Variants in PRKCE observed in about 807,000 individuals in gnomAD.
The protein encoded by PRKCE is protein kinase C epsilon type.
A neutral mutation model predicts 85.4 loss-of-function variants in PRKCE; 16 were observed. The observed-to-expected ratio is 0.19, with a 90% confidence interval of 0.13 to 0.28. The LOEUF (loss-of-function observed/expected upper bound fraction) is 0.28. Among genes scored for constraint, PRKCE ranks in the 10% least tolerant of loss-of-function variants. PRKCE has a pLI of 1.00. For missense variants in PRKCE, 573 were observed against 975.2 expected (o/e 0.59, Z 5.49); for synonymous variants, 388 against 371.5 (o/e 1.04, Z -0.51).
rs558207194 is a variant in PRKCE, at chr2:46,013,265, C to T, written c.1437+2748C>T. 2.0e-5 allele frequency among the ~76,000 whole-genome samples: 3 copies of T among 152,272 alleles called. No homozygotes were observed. In the South Asian group the frequency reaches 6.2e-4, roughly 32 times the overall value. On this transcript the variant is annotated intron_variant, in intron 10 of 14. Transcript: ENST00000306156. ...GTTTTAAAGAGTAGCTATTATTCAC[C>T]TGACTCTGAGGTAGATGCTGGGGTT...
chr2:46,093,967 TG>T (rs1274083453), intron 11 of PRKCE, among the ~76,000 whole-genome samples: 3 of 151,882 alleles, frequency 2.0e-5, no homozygotes, highest in African/African-American at 7.3e-5. Flanking sequence ...GCATTTTTTT[TG>T]TTTATTTTCC....
intron 1 of PRKCE, among the ~76,000 whole-genome samples, chr2:45,769,421 C>T (rs1685146776): frequency 6.6e-6 from 1 of 151,886 alleles, no homozygotes; most frequent in African/African-American, 2.4e-5. Flanking sequence ...ATATCTGCAT[C>T]TGTGTGTGTG....
In PRKCE at chr2:45,895,145, C is replaced by CTTGAGAA. The variant is rs1696038573; in HGVS notation, c.412+52082_412+52083insTTGAGAA. Among the ~76,000 whole-genome samples the CTTGAGAA allele has an allele frequency of 6.6e-6, 1 of 152,124 alleles. No homozygotes were observed. The highest frequency in any genetic ancestry group is 1.5e-5 in the Non-Finnish European group (1 of 68,018). ...GTGGTAGGGAGAATGAAAAGGCGCCCAGGTGTCTCTTGAGAAAGGAAGGAA... is the reference window on the plus strand; with the variant it reads ...GTGGTAGGGAGAATGAAAAGGCGCCCTTGAGAAAGGTGTCTCTTGAGAAAGGAAGGAA... On this transcript the variant is annotated intron_variant, in intron 2 of 14. Coordinates refer to ENST00000306156, the MANE Select transcript of PRKCE (RefSeq NM_005400.3). This position sits in a 1 kb window ranked among gnomAD's most constrained non-coding sequence, Gnocchi z 4.8.
intron 2 of PRKCE, among the ~76,000 whole-genome samples, chr2:45,872,109 T>C (rs1305752618): frequency 6.6e-6 from 1 of 152,064 alleles, no homozygotes; most frequent in Non-Finnish European, 1.5e-5. Flanking sequence ...TAGTTGTTAA[T>C]AATTTATAAC....
intron 1 of PRKCE, among the ~76,000 whole-genome samples, chr2:45,758,863 G>A (rs1360111969): frequency 6.6e-6 from 1 of 152,182 alleles, no homozygotes; most frequent in East Asian, 1.9e-4. Flanking sequence ...TCAGGCCTCA[G>A]CCTCCTCACC....
chr2:45,830,282 A>G (rs2105390070), intron 1 of PRKCE, among the ~76,000 whole-genome samples: 1 of 118,190 alleles, frequency 8.5e-6, no homozygotes, highest in East Asian at 2.2e-4. Context: ...GCATTCATAA[A>G]CAAAAACAAA....
chr2:46,019,508 G>A (rs1706458611), intron 10 of PRKCE, among the ~76,000 whole-genome samples: 1 of 152,154 alleles, frequency 6.6e-6, no homozygotes, highest in Non-Finnish European at 1.5e-5. Context: ...TTAAACATAT[G>A]TATAGCTCAC....
At chr2:45,787,751 G>T (rs2105062208) in intron 1 of PRKCE, among the ~76,000 whole-genome samples, 2 of 152,328 alleles carry the variant, frequency 1.3e-5, no homozygotes, top group South Asian at 4.1e-4. Flanking sequence ...TCGCGATACA[G>T]GTATTAACCA....
At chr2:45,951,680 A>G (rs1180581063) in intron 2 of PRKCE, among the ~76,000 whole-genome samples, 2 of 152,250 alleles carry the variant, frequency 1.3e-5, no homozygotes, top group Non-Finnish European at 2.9e-5. Context: ...GCAAAGGCTG[A>G]GCACTTTTGT....
chr2:46,074,457 C>CA (rs1668374422), intron 10 of PRKCE, among the ~76,000 whole-genome samples: 1 of 134,262 alleles, frequency 7.4e-6, no homozygotes. Flanking sequence ...AAGAAAAACA[C>CA]GGATAGAAAA....
chr2:46,143,982 C>T (rs1300095016), intron 11 of PRKCE, among the ~76,000 whole-genome samples: 1 of 152,148 alleles, frequency 6.6e-6, no homozygotes, highest in African/African-American at 2.4e-5. Flanking sequence ...GACAAATGGG[C>T]CTTCTTTGCA....
chr2:46,165,787 C>T (rs888650972), intron 14 of PRKCE, among the ~76,000 whole-genome samples: 18 of 152,158 alleles, frequency 1.2e-4, no homozygotes, highest in Non-Finnish European at 2.2e-4. Context: ...GACTCTGGCT[C>T]CCAGGGCTTC....
intron 14 of PRKCE, among the ~76,000 whole-genome samples, chr2:46,181,968 C>T (rs527390947): frequency 2.6e-5 from 4 of 152,280 alleles, no homozygotes; most frequent in South Asian, 2.1e-4. Flanking sequence ...TGGATTATAC[C>T]GGTCTACCAC....
chr2:45,679,546 T>C (rs1354226569), intron 1 of PRKCE, among the ~76,000 whole-genome samples: 1 of 152,194 alleles, frequency 6.6e-6, no homozygotes, highest in Non-Finnish European at 1.5e-5. Context: ...CAGGAAGTAC[T>C]GTGGATCTAA....
At chr2:45,734,365 G>GAA (rs1192372839) in intron 1 of PRKCE, among the ~76,000 whole-genome samples, 16 of 124,286 alleles carry the variant, frequency 1.3e-4, no homozygotes, top group Non-Finnish European at 2.1e-4. Context: ...CTCCATCTCA[G>GAA]AAAAAAAAAA....
chr2:45,712,304 C>T (rs958331868), intron 1 of PRKCE, among the ~76,000 whole-genome samples: 8 of 151,922 alleles, frequency 5.3e-5, no homozygotes, highest in Non-Finnish European at 8.8e-5. Context: ...TGCACCACCA[C>T]GCCCAGCTAC....
At chr2:45,691,935 C>G (rs1677759587) in intron 1 of PRKCE, among the ~76,000 whole-genome samples, 2 of 152,210 alleles carry the variant, frequency 1.3e-5, no homozygotes, top group South Asian at 4.1e-4. Flanking sequence ...ACACAACACA[C>G]CGCTCTGAGG....
chr2:45,866,410 C>T (rs1693615142), intron 2 of PRKCE, among the ~76,000 whole-genome samples: 1 of 152,130 alleles, frequency 6.6e-6, no homozygotes, highest in Non-Finnish European at 1.5e-5. Context: ...TGGGTTCATG[C>T]CATTCTCCTG....
intron 1 of PRKCE, among the ~76,000 whole-genome samples, chr2:45,729,894 C>T (rs1444888853): frequency 6.6e-6 from 1 of 152,160 alleles, no homozygotes; most frequent in Non-Finnish European, 1.5e-5. Flanking sequence ...CTACTAGCTC[C>T]ACCTGGAGTC....
Sources: allele counts gnomAD v4.1 joint callset (sites outside exome capture counted in the v4.1 genomes callset), GRCh38; gene constraint gnomAD v4.1.1; non-coding constraint Gnocchi (gnomAD v3.1); transcripts MANE v1.5; gene names NCBI Gene and HGNC (gene_info 2026-07-23, HGNC 2026-07-21).